The following TRIM66 variants were observed in gnomAD, a reference collection of about 807,000 sequenced individuals.
The protein encoded by TRIM66 is tripartite motif-containing protein 66.
In TRIM66, 99 loss-of-function variants were observed where a neutral mutation model predicts 148.2. The observed-to-expected ratio is 0.67, with a 90% CI of 0.57 to 0.79. TRIM66 has a LOEUF of 0.79. Ranked by LOEUF, TRIM66 falls within the 30% of genes least tolerant of loss-of-function variation. The pLI is 0.00. For missense variants in TRIM66, 1,666 were observed against 1,697.9 expected, an observed-to-expected ratio of 0.98 and a Z score of 0.33; for synonymous variants, 616 against 635.9, an observed-to-expected ratio of 0.97 and a Z score of 0.47.
rs1197792789 is a variant in TRIM66 at position 8,672,344 on chromosome 11, G to T, written c.-70C>A. On this transcript the variant is annotated 5_prime_UTR_variant, in exon 5 of 25. Transcript: ENST00000646038. ...GAAGGCGAACAAACCCTTCAAAAGT[G>T]TCCCGTACCTGTGCCTCTCCTTATT... The T allele has an allele frequency of 3.9e-6, 6 of 1,534,130 alleles. No homozygotes were observed. Among genetic ancestry groups the T allele is most frequent in the Non-Finnish European group, 5.2e-6 (6 of 1,146,332 alleles).
rs563585794 is a variant in TRIM66, at chr11:8,633,471, G to C, written c.2310+5183C>G. Among the ~76,000 whole-genome samples the C allele has an allele frequency of 2.0e-5, 3 of 152,320 alleles. No homozygotes were observed. The South Asian group carries it at 6.2e-4, about 32-fold the overall frequency. On this transcript the variant is annotated intron_variant, in intron 15 of 24. Coordinates refer to ENST00000646038, the MANE Select transcript of TRIM66 (RefSeq NM_001388022.1). ...TAGGTTTGGATGGTGAATGAAATCA[G>C]GATAGAACTAAGGAGACAGGCTTCT...
intron 15 of TRIM66, among the ~76,000 whole-genome samples, chr11:8,633,756 A>G (rs2035627822): frequency 6.6e-6 from 1 of 152,142 alleles, no homozygotes; most frequent in African/African-American, 2.4e-5. Context: ...CCTAGTATTT[A>G]CTCACAGTTA....
intron 4 of TRIM66, among the ~76,000 whole-genome samples, chr11:8,672,619 CTT>C (rs11293374): frequency 0.018 from 2,037 of 113,250 alleles, 42 homozygotes; most frequent in African/African-American, 0.059. Flanking sequence ...ACTCCAGTCT[CTT>C]TTTTTTTTTT....
intron 3 of TRIM66, chr11:8,678,303 T>C (rs921578594): frequency 5.9e-5 from 9 of 152,270 alleles, no homozygotes; most frequent in African/African-American, 1.7e-4. Flanking sequence ...TAATAAAAGA[T>C]AGCACATGCT....
At chr11:8,663,498 G>A (rs983852743) in intron 6 of TRIM66, among the ~76,000 whole-genome samples, 2 of 152,046 alleles carry the variant, frequency 1.3e-5, no homozygotes, top group African/African-American at 4.8e-5. Flanking sequence ...TGTAATAAAA[G>A]CAACATGAAT....
At chr11:8,625,435 T>G (rs191015107) in intron 15 of TRIM66, among the ~76,000 whole-genome samples, 1 of 145,760 alleles carries the variant, frequency 6.9e-6, no homozygotes, top group Admixed American at 6.9e-5. Flanking sequence ...GGCTATGACA[T>G]AGAGAGAGAG....
rs1423966246 is a variant in TRIM66 at position 8,641,116 on chromosome 11, G to T, written c.1259C>A (p.Ala420Glu). 3 of 1,551,574 alleles carry T rather than the reference G, an allele frequency of 1.9e-6. No individual in the cohort carries two copies. The highest frequency in any genetic ancestry group is 1.7e-6 in the Non-Finnish European group (2 of 1,146,856). The change falls in exon 14 of 25, where the codon GCA becomes GAA. Residue 420 changes from alanine (A) to glutamate (E), a missense_variant. Coordinates refer to ENST00000646038, the MANE Select transcript of TRIM66 (RefSeq NM_001388022.1). The part of the protein sequence containing the change: ...ITTEGGQMSR[A>E]DAPAYGGLQG... ...TAAGCCTCCATAAGCAGGAGCATCT[G>T]CCCTGGACATTTGTCCACCTTCAGT...
chr11:8,672,260 A>C lies in TRIM66; in HGVS notation c.15T>G (p.Ser5=), dbSNP rs2038974336. ...CTCAGTTCCTCACCTGGGACCAAAA[A>C]GAGAGTCTAGCCATCTCTGCCGTGG... The part of the protein sequence containing the change: MARL[S]FWSQGVELAR... The change falls in exon 5 of 25, where the codon TCT becomes TCG. Residue 5 remains serine (S), a synonymous_variant. Transcript: ENST00000646038. 2.6e-6 allele frequency: 4 copies of C among 1,535,984 alleles called. No individual in the cohort carries two copies. The highest frequency in any genetic ancestry group is 3.5e-6 in the Non-Finnish European group (4 of 1,146,758).
At chr11:8,649,347 A>C (rs558290354) in intron 8 of TRIM66, among the ~76,000 whole-genome samples, 79 of 152,276 alleles carry the variant, frequency 5.2e-4, no homozygotes, top group Non-Finnish European at 9.8e-4. Context: ...TCAAAAAAAA[A>C]TAAAAATAAA....
chr11:8,662,474 C>T (rs2038326459), intron 6 of TRIM66, among the ~76,000 whole-genome samples: 1 of 152,158 alleles, frequency 6.6e-6, no homozygotes, highest in African/African-American at 2.4e-5. Flanking sequence ...TTCGGGGATG[C>T]TGTCACTCTT....
At position 8,624,795 on chromosome 11, in the gene TRIM66, G is replaced by C; in HGVS notation, c.2744C>G (p.Ser915Cys). 1 of 1,551,518 alleles carries C rather than the reference G, an allele frequency of 6.4e-7. No individual in the cohort carries two copies. Among genetic ancestry groups the C allele is most frequent in the Non-Finnish European group, 8.7e-7 (1 of 1,146,886 alleles). ...TGAAGTTCGGCCAGAACTGGAGCTG[G>C]ACCCAGTTTCTGGCTGCATGTCAGA... Reference protein sequence around the residue: ...PVSDMQPETGSSSSSGRTSGS... With the variant: ...PVSDMQPETGCSSSSGRTSGS... Residue 915 changes from serine (S) to cysteine (C), a missense_variant, in exon 16 of 25, where the codon TCC becomes TGC. Physicochemically the swap from Ser to Cys is moderately radical, Grantham distance 112. This residue lies in a region of TRIM66 where 1,431 missense variants were observed against 1,412.4 expected (regional missense o/e 1.01). Transcript: ENST00000646038.
chr11:8,680,921 T>G (rs2039383841), intron 1 of TRIM66: 1 of 152,150 alleles, frequency 6.6e-6, no homozygotes, highest in Admixed American at 6.5e-5. Context: ...CAGATTAAAG[T>G]ACAACAGAAA....
chr11:8,676,024 C>T (rs981898297), intron 3 of TRIM66, among the ~76,000 whole-genome samples: 9 of 152,190 alleles, frequency 5.9e-5, no homozygotes, highest in African/African-American at 1.4e-4. Flanking sequence ...GCCACCACAT[C>T]GTCCATTATG....
chr11:8,663,015 A>T (rs2038361447), intron 6 of TRIM66: 1 of 152,256 alleles, frequency 6.6e-6, no homozygotes, highest in Non-Finnish European at 1.5e-5. Flanking sequence ...AAAAGCAAAT[A>T]GCCCCAAGTA....
intron 1 of TRIM66, 76 bp downstream of exon 1, chr11:8,682,525 C>A: frequency 2.0e-6 from 1 of 509,820 alleles, no homozygotes; most frequent in Non-Finnish European, 3.5e-6. Flanking sequence ...CAAGCACGGG[C>A]GGCGTGCAGT....
intron 15 of TRIM66, among the ~76,000 whole-genome samples, chr11:8,635,762 A>C (rs1002112130): frequency 6.6e-6 from 1 of 152,164 alleles, no homozygotes; most frequent in Non-Finnish European, 1.5e-5. Context: ...CCCATTGCCA[A>C]CTTGCAGCCA....
chr11:8,643,215 C>A, intron 12 of TRIM66, 89 bp from the exon 13 acceptor site: 2 of 1,146,974 alleles, frequency 1.7e-6, no homozygotes, highest in Non-Finnish European at 2.5e-6. Flanking sequence ...AGCTGAAAGG[C>A]TCAAAGTCAT....
At position 8,617,973 on chromosome 11, in the gene TRIM66, G is replaced by A. The variant is rs577747988; in HGVS notation, c.4150C>T (p.Arg1384Cys). 21 of 1,551,490 alleles carry A rather than the reference G, an allele frequency of 1.4e-5. No homozygotes were observed. The highest frequency in any genetic ancestry group is 5.9e-5 in the Admixed American group (3 of 50,968). ...ACCTGAGAGATGCTGTTGGCCAGGCGAAATGACATTCTTTTTGCTCTTTCA... is the reference window on the plus strand; with the variant it reads ...ACCTGAGAGATGCTGTTGGCCAGGCAAAATGACATTCTTTTTGCTCTTTCA... ...ENERAKRMSF[R>C]LANSISQV The change falls in exon 25 of 25, where the codon CGC (arginine) becomes TGC (cysteine). Residue 1384 changes from arginine (R) to cysteine (C), a missense_variant. Physicochemically the swap from Arg to Cys is radical, Grantham distance 180. This residue lies in a region of TRIM66 where 204 missense variants were observed against 231.0 expected (regional missense o/e 0.88). Transcript: ENST00000646038.
intron 13 of TRIM66, among the ~76,000 whole-genome samples, chr11:8,642,424 G>A (rs371949210): frequency 2.6e-5 from 4 of 152,246 alleles, no homozygotes; most frequent in African/African-American, 7.2e-5. Context: ...TTTAACACTC[G>A]TTAGGCTGTC....
Sources: gnomAD v4.1 joint callset for allele counts (sites outside exome capture counted in the v4.1 genomes callset) on GRCh38, gnomAD v4.1.1 for gene constraint, gnomAD v4.1.1 regional missense constraint, MANE v1.5 for transcripts, NCBI Gene and HGNC (gene_info 2026-07-23, HGNC 2026-07-21) for gene names.